The following MAML3 variants were observed in gnomAD, a reference collection of about 807,000 sequenced individuals.
The protein encoded by MAML3 is mastermind-like protein 3.
MAML3 carries 27 observed loss-of-function variants against 101.9 expected under a neutral mutation model. The observed-to-expected ratio is 0.27, with a 90% CI of 0.20 to 0.37. MAML3 has a LOEUF of 0.37. Among genes scored for constraint, MAML3 ranks in the 10% least tolerant of loss-of-function variants. MAML3 has a pLI of 1.00. For missense variants in MAML3, 1,316 were observed against 1,444.9 expected (o/e 0.91, Z 1.45); for synonymous variants, 501 against 555.9 (o/e 0.90, Z 1.39).
At chr4:139,974,628 A>C (rs557166655) in intron 1 of MAML3, among the ~76,000 whole-genome samples, 8 of 152,158 alleles carry the variant, frequency 5.3e-5, no homozygotes, top group South Asian at 2.1e-4. Flanking sequence ...GTCAGAAGAG[A>C]TGATTCCCGA....
chr4:140,116,455 C>CCAAGA lies in MAML3; in HGVS notation c.468+36400_468+36404dup, dbSNP rs1728520154. Reference sequence around the variant, plus strand: ...CAGGGCTATTGCCAATCACCAGAAACCAAGACGGTGTCTATTCTACTTCAG... The same window carrying CCAAGA: ...CAGGGCTATTGCCAATCACCAGAAACCAAGACAAGACGGTGTCTATTCTACTTCAG... On this transcript the variant is annotated intron_variant, in intron 1 of 4. Coordinates refer to ENST00000509479, the MANE Select transcript of MAML3 (RefSeq NM_018717.5). Among the ~76,000 whole-genome samples, 3 of 152,296 alleles carry CCAAGA rather than the reference C, an allele frequency of 2.0e-5. No individual in the cohort carries two copies. In the South Asian group the frequency reaches 6.2e-4, roughly 32 times the overall value.
chr4:140,016,175 A>T lies in MAML3; in HGVS notation c.469-125208T>A, dbSNP rs76918405. Among the ~76,000 whole-genome samples the T allele has an allele frequency of 8.5e-4, 129 of 152,368 alleles. 1 individual carries two copies. The highest frequency in any genetic ancestry group is 3.0e-3 in the African/African-American group (125 of 41,594). ...ATATGTGAGCACCAAAGTTGAGAATAGAGTACCATTTACACTTACTGAAAG... is the reference window on the plus strand; with the variant it reads ...ATATGTGAGCACCAAAGTTGAGAATTGAGTACCATTTACACTTACTGAAAG... On this transcript the variant is annotated intron_variant, in intron 1 of 4. Transcript: ENST00000509479.
At chr4:140,108,392 T>C (rs1377506099) in intron 1 of MAML3, among the ~76,000 whole-genome samples, 1 of 151,794 alleles carries the variant, frequency 6.6e-6, no homozygotes, top group African/African-American at 2.4e-5. Flanking sequence ...CCAACAAAAC[T>C]GTGAGCTCCC....
chr4:140,029,549 T>C (rs1726875717), intron 1 of MAML3, among the ~76,000 whole-genome samples: 1 of 152,150 alleles, frequency 6.6e-6, no homozygotes, highest in South Asian at 2.1e-4. Flanking sequence ...AAAAATAAAT[T>C]TTTTAAAATA....
At chr4:140,110,073 G>A (rs973498550) in intron 1 of MAML3, among the ~76,000 whole-genome samples, 11 of 152,198 alleles carry the variant, frequency 7.2e-5, no homozygotes, top group African/African-American at 2.4e-4. Flanking sequence ...AAGTGGAGCC[G>A]CCTGTGCGTG....
chr4:139,844,372 A>G (rs1056122855), intron 2 of MAML3, among the ~76,000 whole-genome samples: 3 of 152,210 alleles, frequency 2.0e-5, no homozygotes, highest in Non-Finnish European at 4.4e-5. Flanking sequence ...ACACTGTTGA[A>G]CTAAGATTGA....
intron 1 of MAML3, among the ~76,000 whole-genome samples, chr4:140,132,506 A>G (rs1378921903): frequency 6.6e-6 from 1 of 152,210 alleles, no homozygotes; most frequent in Non-Finnish European, 1.5e-5. Context: ...TGGGGAGGCT[A>G]TTAGAAAAAG....
intron 3 of MAML3, among the ~76,000 whole-genome samples, chr4:139,727,115 G>A (rs1728505562): frequency 6.6e-6 from 1 of 152,074 alleles, no homozygotes; most frequent in Non-Finnish European, 1.5e-5. Flanking sequence ...TTTTTCTCTT[G>A]TGTTTGTTCC....
chr4:139,943,864 C>CTTTTTTTTTT lies in MAML3; in HGVS notation c.469-52907_469-52898dup, dbSNP rs10644498. ...GGTTGGGTTGTGGGCCTAAAGACAA[C>CTTTTTTTTTT]TTTTTTTTTTTTTTTTTTTTTTTTG... is the stretch of plus-strand genomic sequence containing the variant. On this transcript the variant is annotated intron_variant, in intron 1 of 4. Transcript: ENST00000509479. Among the ~76,000 whole-genome samples, 32 of 65,862 alleles carry CTTTTTTTTTT rather than the reference C, an allele frequency of 4.9e-4. 5 individuals are homozygous for CTTTTTTTTTT. The highest frequency in any genetic ancestry group is 6.4e-4 in the African/African-American group (11 of 17,084). 43.2% of individuals were successfully genotyped at this position (65,862 alleles called of 152,430 possible).
At chr4:139,891,403 A>G (rs1241781239) in intron 1 of MAML3, among the ~76,000 whole-genome samples, 1 of 152,098 alleles carries the variant, frequency 6.6e-6, no homozygotes, top group Non-Finnish European at 1.5e-5. Flanking sequence ...CTCAGCCTCC[A>G]GAGTAGCTAG....
chr4:140,149,157 T>C (rs920098462), intron 1 of MAML3, among the ~76,000 whole-genome samples: 1 of 152,216 alleles, frequency 6.6e-6, no homozygotes, highest in African/African-American at 2.4e-5. Context: ...TTAAAAGCCA[T>C]CTTTTCAACT....
intron 1 of MAML3, among the ~76,000 whole-genome samples, chr4:139,895,842 C>CTGATTGGAGCCTCCGAG (rs1207503875): frequency 6.6e-6 from 1 of 152,196 alleles, no homozygotes; most frequent in Non-Finnish European, 1.5e-5. Context: ...AGCATGCCAC[C>CTGATTGGAGCCTCCGAG]TGATTGGAGC....
rs547183769 is a variant in MAML3 at position 139,834,599 on chromosome 4, G to C, written c.2079+54758C>G. ...CTTTGCATTTCTAACAAGTTCCAAA[G>C]TGATGCTGATGCTGATGGTTCCCTG... On this transcript the variant is annotated intron_variant, in intron 2 of 4. Transcript: ENST00000509479. 3.3e-5 allele frequency among the ~76,000 whole-genome samples: 5 copies of C among 152,342 alleles called. No individual in the cohort carries two copies. The South Asian group carries it at 8.3e-4, about 25-fold the overall frequency.
intron 1 of MAML3, among the ~76,000 whole-genome samples, chr4:139,894,511 A>AAAAGAAAGAAAGGAAGAAAG (rs1553962890): frequency 6.6e-5 from 9 of 136,388 alleles, no homozygotes; most frequent in African/African-American, 1.7e-4. Flanking sequence ...TCCATCTTAA[A>AAAAGAAAGAAAGGAAGAAAG]AAAGAAAGAA....
At chr4:140,140,994 C>T (rs1728971188) in intron 1 of MAML3, among the ~76,000 whole-genome samples, 1 of 152,200 alleles carries the variant, frequency 6.6e-6, no homozygotes, top group Non-Finnish European at 1.5e-5. Flanking sequence ...TAGATGAGAA[C>T]TGCTCTTTGC....
intron 2 of MAML3, among the ~76,000 whole-genome samples, chr4:139,847,896 TTTTG>T (rs1340969578): frequency 2.0e-5 from 3 of 152,174 alleles, no homozygotes; most frequent in African/African-American, 4.8e-5. Context: ...ATTCAGGCTA[TTTTG>T]TTTGTTTATT....
At chr4:140,118,683 T>G (rs534320063) in intron 1 of MAML3, among the ~76,000 whole-genome samples, 1 of 152,226 alleles carries the variant, frequency 6.6e-6, no homozygotes, top group South Asian at 2.1e-4. Flanking sequence ...TATCTCAAAT[T>G]TAAAAATATA....
intron 2 of MAML3, among the ~76,000 whole-genome samples, chr4:139,863,832 GTTTTTTTTTTT>G (rs58270046): frequency 2.7e-5 from 3 of 111,250 alleles, no homozygotes; most frequent in Non-Finnish European, 3.8e-5. Flanking sequence ...CAGAACATGG[GTTTTTTTTTTT>G]TTTTTTTTTT....
At chr4:139,970,679 A>G (rs539054105) in intron 1 of MAML3, among the ~76,000 whole-genome samples, 5 of 152,304 alleles carry the variant, frequency 3.3e-5, no homozygotes, top group African/African-American at 1.2e-4. Context: ...CAACAAGCCT[A>G]AATATCTTGA....
Sources: allele counts gnomAD v4.1 joint callset (sites outside exome capture counted in the v4.1 genomes callset), GRCh38; gene constraint gnomAD v4.1.1; transcripts MANE v1.5; gene names NCBI Gene and HGNC (gene_info 2026-07-23, HGNC 2026-07-21).